Variants in UNC5D observed in about 807,000 individuals in gnomAD.
UNC5D encodes the protein unc-5 netrin receptor D, also known as netrin receptor UNC5D.
UNC5D carries 39 observed loss-of-function variants against 105.4 expected under a neutral mutation model. That is an observed-to-expected ratio of 0.37 (90% CI 0.29 to 0.48). The LOEUF is 0.48. Ranked by LOEUF, UNC5D falls within the 20% of genes least tolerant of loss-of-function variation. The pLI, the probability that UNC5D is intolerant of heterozygous loss-of-function variation, is 0.98. For missense variants in UNC5D, 991 were observed against 1,202.4 expected (o/e 0.82, Z 2.60); for synonymous variants, 452 against 450.4 (o/e 1.00, Z -0.04).
intron 3 of UNC5D, among the ~76,000 whole-genome samples, chr8:35,573,399 G>A (rs1261977773): frequency 4.6e-5 from 7 of 151,940 alleles, no homozygotes; most frequent in South Asian, 2.1e-4. Context: ...TGCTATGATC[G>A]CGCCTGTGAA....
chr8:35,660,813 G>C (rs966105965), intron 4 of UNC5D, among the ~76,000 whole-genome samples: 1 of 152,104 alleles, frequency 6.6e-6, no homozygotes, highest in South Asian at 2.1e-4. Flanking sequence ...GGTTCTAATT[G>C]CTCTTATTCC....
chr8:35,253,397 C>A (rs1173784833), intron 1 of UNC5D, among the ~76,000 whole-genome samples: 1 of 148,542 alleles, frequency 6.7e-6, no homozygotes, highest in Admixed American at 6.7e-5. Context: ...TTTGGCCTTT[C>A]ATATTTATTC....
chr8:35,737,252 CTGTGTGTGTGTGTGTGTGTGTGTGTGTG>C (rs369792188), intron 11 of UNC5D, among the ~76,000 whole-genome samples: 5 of 119,844 alleles, frequency 4.2e-5, no homozygotes, highest in African/African-American at 7.6e-5. Context: ...AAGATCTGCT[CTGTGTGTGTGTGTGTGTGTGTGTGTGTG>C]TGTGTGTGTG....
chr8:35,313,644 T>G (rs1809064806), intron 1 of UNC5D, among the ~76,000 whole-genome samples: 1 of 152,146 alleles, frequency 6.6e-6, no homozygotes, highest in Admixed American at 6.6e-5. Context: ...TTGTTGCTCC[T>G]GAGTAGTTAA....
At chr8:35,500,710 T>C (rs1204837460) in intron 1 of UNC5D, among the ~76,000 whole-genome samples, 2 of 152,212 alleles carry the variant, frequency 1.3e-5, no homozygotes, top group African/African-American at 2.4e-5. Context: ...ATTATCCTCA[T>C]ATTTAGCACA....
chr8:35,565,236 C>G (rs1817255011), intron 2 of UNC5D, among the ~76,000 whole-genome samples: 1 of 152,172 alleles, frequency 6.6e-6, no homozygotes, highest in Non-Finnish European at 1.5e-5. Context: ...TTCACCACAT[C>G]CATGCCAACA....
Position 35,792,935 on chromosome 8 carries a change from C to T in UNC5D, c.*2372C>T, listed in dbSNP as rs1357568847. The T allele has an allele frequency of 2.3e-6, 1 of 434,700 alleles. No individual in the cohort carries two copies. Among genetic ancestry groups the T allele is most frequent in the Non-Finnish European group, 4.5e-6 (1 of 221,566 alleles). The allele number at this position is 434,700 out of a possible 1,614,324, so 26.9% of individuals were successfully genotyped here. On this transcript the variant is annotated 3_prime_UTR_variant, in exon 17 of 17. Coordinates refer to ENST00000404895, the MANE Select transcript of UNC5D (RefSeq NM_080872.4). ...TTTTAAGATGAGACAAGATTATTGTCAATCCCTGAATGTCTGGAGTTACCT... is the reference window on the plus strand; with the variant it reads ...TTTTAAGATGAGACAAGATTATTGTTAATCCCTGAATGTCTGGAGTTACCT...
At chr8:35,659,396 A>C (rs781098904) in intron 4 of UNC5D, among the ~76,000 whole-genome samples, 1 of 152,240 alleles carries the variant, frequency 6.6e-6, no homozygotes, top group Non-Finnish European at 1.5e-5. Context: ...GATTATTACC[A>C]TGACAAAACA....
At chr8:35,424,170 A>ATGGGT (rs1806096278) in intron 1 of UNC5D, among the ~76,000 whole-genome samples, 1 of 152,198 alleles carries the variant, frequency 6.6e-6, no homozygotes, top group East Asian at 1.9e-4. Context: ...TAATGAGACA[A>ATGGGT]TGTATGGGAA....
chr8:35,436,767 C>A (rs1807043501), intron 1 of UNC5D, among the ~76,000 whole-genome samples: 2 of 151,998 alleles, frequency 1.3e-5, no homozygotes, highest in Admixed American at 1.3e-4. Context: ...ATGATGACTA[C>A]TGAGATTCAT....
intron 11 of UNC5D, among the ~76,000 whole-genome samples, chr8:35,741,417 T>G (rs1171939982): frequency 6.6e-6 from 1 of 151,826 alleles, no homozygotes; most frequent in Non-Finnish European, 1.5e-5. Context: ...TAATAGTACA[T>G]CCATATGCTT....
intron 4 of UNC5D, among the ~76,000 whole-genome samples, chr8:35,617,368 A>G (rs912648038): frequency 6.6e-6 from 1 of 152,148 alleles, no homozygotes; most frequent in African/African-American, 2.4e-5. Flanking sequence ...TTTTCTTCAC[A>G]GGTAGAGACC....
chr8:35,692,070 C>T (rs892872683), intron 7 of UNC5D, among the ~76,000 whole-genome samples: 6 of 152,172 alleles, frequency 3.9e-5, no homozygotes, highest in African/African-American at 1.4e-4. Flanking sequence ...CAAGGTATAA[C>T]ATAGGTCAGT....
intron 4 of UNC5D, among the ~76,000 whole-genome samples, chr8:35,604,346 T>C (rs1194494795): frequency 6.6e-6 from 1 of 152,230 alleles, no homozygotes; most frequent in Non-Finnish European, 1.5e-5. Context: ...GAAAATTCTT[T>C]TCTTTAAGAA....
intron 1 of UNC5D, among the ~76,000 whole-genome samples, chr8:35,301,243 A>G (rs1807934570): frequency 6.6e-6 from 1 of 152,192 alleles, no homozygotes; most frequent in South Asian, 2.1e-4. Context: ...ACAAGATTCA[A>G]CCTGCAAGAG....
intron 1 of UNC5D, among the ~76,000 whole-genome samples, chr8:35,514,947 T>G (rs1185232251): frequency 6.6e-6 from 1 of 152,144 alleles, no homozygotes; most frequent in Non-Finnish European, 1.5e-5. Context: ...CTCTGAAAGT[T>G]TATACTGTGG....
At chr8:35,416,930 A>AT (rs1173574070) in intron 1 of UNC5D, among the ~76,000 whole-genome samples, 2 of 152,076 alleles carry the variant, frequency 1.3e-5, no homozygotes, top group African/African-American at 4.8e-5. Context: ...AATTCTGTTT[A>AT]TTTTTTATTT....
intron 7 of UNC5D, among the ~76,000 whole-genome samples, chr8:35,694,422 T>C (rs1826613850): frequency 6.6e-6 from 1 of 152,214 alleles, no homozygotes; most frequent in Non-Finnish European, 1.5e-5. Flanking sequence ...TTGAGCCTGT[T>C]GGATGTGAAT....
At chr8:35,489,005 C>A (rs1811016111) in intron 1 of UNC5D, among the ~76,000 whole-genome samples, 1 of 151,390 alleles carries the variant, frequency 6.6e-6, no homozygotes, top group African/African-American at 2.4e-5. Flanking sequence ...ATTATCTCCC[C>A]CCAATTTTTT....
Sources: gnomAD v4.1 joint callset for allele counts (sites outside exome capture counted in the v4.1 genomes callset) on GRCh38, gnomAD v4.1.1 for gene constraint, MANE v1.5 for transcripts, NCBI Gene and HGNC (gene_info 2026-07-23, HGNC 2026-07-21) for gene names.